Variants in VAV3 observed in about 807,000 individuals in gnomAD.
VAV3 encodes the protein vav guanine nucleotide exchange factor 3.
VAV3 carries 94 observed loss-of-function variants against 131.2 expected under a neutral mutation model. That is an observed-to-expected ratio of 0.72 (90% CI 0.61 to 0.85). The LOEUF (loss-of-function observed/expected upper bound fraction) is 0.85, where lower values mean the gene tolerates loss of function less well. Among genes scored for constraint, VAV3 ranks in the 40% least tolerant of loss-of-function variants. The pLI is 0.00. For missense variants in VAV3, 939 were observed against 1,002.7 expected, an observed-to-expected ratio of 0.94 and a Z score of 0.86; for synonymous variants, 349 against 342.0, an observed-to-expected ratio of 1.02 and a Z score of -0.22.
At chr1:107,727,897 G>T (rs1287717837) in intron 15 of VAV3, among the ~76,000 whole-genome samples, 2 of 152,056 alleles carry the variant, frequency 1.3e-5, no homozygotes, top group African/African-American at 4.8e-5. Flanking sequence ...CATTATAATT[G>T]AATATGGAAT....
Position 107,950,258 on chromosome 1 carries a change from C to G in VAV3, c.204+14408G>C, listed in dbSNP as rs369625482. Among the ~76,000 whole-genome samples, 17 of 152,322 alleles carry G rather than the reference C, an allele frequency of 1.1e-4. No homozygotes were observed. In the East Asian group the frequency reaches 1.3e-3, roughly 12 times the overall value. On this transcript the variant is annotated intron_variant, in intron 1 of 26. Transcript: ENST00000370056. ...AAGACCCAAAACTCTCTCTGGGAAT[C>G]AGAAGGCAAAAATGTGCATATAAAT...
At chr1:107,908,897 C>T (rs1672239922) in intron 1 of VAV3, among the ~76,000 whole-genome samples, 1 of 148,582 alleles carries the variant, frequency 6.7e-6, no homozygotes, top group South Asian at 2.1e-4. Flanking sequence ...ATTCTGGAAG[C>T]ATTCAGTATA....
chr1:107,624,723 T>A (rs138402595), intron 20 of VAV3, among the ~76,000 whole-genome samples: 1 of 152,216 alleles, frequency 6.6e-6, no homozygotes, highest in Admixed American at 6.5e-5. Flanking sequence ...TAAATGCTCA[T>A]GGCAGCATGA....
intron 2 of VAV3, among the ~76,000 whole-genome samples, chr1:107,798,983 T>C (rs1282543185): frequency 1.3e-5 from 2 of 152,228 alleles, no homozygotes; most frequent in Middle Eastern, 3.4e-3. Flanking sequence ...ACCAGCCTTT[T>C]GTTCAAACAA....
intron 2 of VAV3, among the ~76,000 whole-genome samples, chr1:107,825,243 C>T (rs1289981454): frequency 6.6e-6 from 1 of 152,140 alleles, no homozygotes; most frequent in African/African-American, 2.4e-5. Context: ...CTGCCACATA[C>T]AGATAGGTTG....
intron 1 of VAV3, among the ~76,000 whole-genome samples, chr1:107,919,378 A>G (rs1672777031): frequency 6.6e-6 from 1 of 152,210 alleles, no homozygotes; most frequent in Non-Finnish European, 1.5e-5. Context: ...ATTTTAATGA[A>G]ATTTCCATGT....
intron 19 of VAV3, among the ~76,000 whole-genome samples, chr1:107,652,170 C>T (rs971356800): frequency 6.6e-6 from 1 of 152,084 alleles, no homozygotes; most frequent in Non-Finnish European, 1.5e-5. Flanking sequence ...AGTAAAGAAG[C>T]CGGCTAAATC....
chr1:107,780,460 G>A (rs1203436031), intron 2 of VAV3, among the ~76,000 whole-genome samples: 5 of 152,046 alleles, frequency 3.3e-5, no homozygotes, highest in East Asian at 3.9e-4. Flanking sequence ...TGTCTCTTTC[G>A]AAGACTTAGT....
intron 19 of VAV3, among the ~76,000 whole-genome samples, chr1:107,659,785 T>A (rs1410679587): frequency 6.6e-6 from 1 of 152,162 alleles, no homozygotes; most frequent in Non-Finnish European, 1.5e-5. Flanking sequence ...TTTTTATACA[T>A]GAGTTAAAAC....
chr1:107,929,724 C>T (rs1479294282), intron 1 of VAV3, among the ~76,000 whole-genome samples: 1 of 151,986 alleles, frequency 6.6e-6, no homozygotes, highest in Non-Finnish European at 1.5e-5. Context: ...TTTCTTTTTG[C>T]TTGTTTGTTT....
intron 1 of VAV3, among the ~76,000 whole-genome samples, chr1:107,933,897 T>C (rs534942989): frequency 1.3e-5 from 2 of 152,262 alleles, no homozygotes; most frequent in East Asian, 1.9e-4. Flanking sequence ...AAAGCAATGT[T>C]TCCACAGTCA....
intron 2 of VAV3, among the ~76,000 whole-genome samples, chr1:107,832,425 G>T (rs1466458356): frequency 6.6e-6 from 1 of 152,150 alleles, no homozygotes; most frequent in Non-Finnish European, 1.5e-5. Flanking sequence ...TCGTGGACCG[G>T]GTCTTTAACA....
At chr1:107,926,117 T>TA (rs796570874) in intron 1 of VAV3, among the ~76,000 whole-genome samples, 92 of 151,604 alleles carry the variant, frequency 6.1e-4, no homozygotes, top group African/African-American at 2.1e-3. Context: ...CCATCTCTAC[T>TA]AAAAAAATAC....
intron 19 of VAV3, among the ~76,000 whole-genome samples, chr1:107,657,186 C>T (rs931040371): frequency 1.3e-5 from 2 of 152,060 alleles, no homozygotes; most frequent in Non-Finnish European, 2.9e-5. Flanking sequence ...AACTCCTGAC[C>T]TCAAGTGATC....
chr1:107,752,500 TCAA>T (rs1424445436), intron 12 of VAV3, among the ~76,000 whole-genome samples: 1 of 152,152 alleles, frequency 6.6e-6, no homozygotes, highest in Non-Finnish European at 1.5e-5. Context: ...ACAGACAATA[TCAA>T]CAGAGTGAAA....
chr1:107,769,195 C>T (rs1159316893), intron 6 of VAV3, among the ~76,000 whole-genome samples: 4 of 152,176 alleles, frequency 2.6e-5, no homozygotes, highest in African/African-American at 4.8e-5. Flanking sequence ...CCCTCCTAAC[C>T]GAGTTTATAC....
At chr1:107,802,266 A>G (rs1666863305) in intron 2 of VAV3, among the ~76,000 whole-genome samples, 1 of 151,420 alleles carries the variant, frequency 6.6e-6, no homozygotes, top group Admixed American at 6.6e-5. Flanking sequence ...GACTCTTTAG[A>G]TTTTTCTAAA....
intron 2 of VAV3, among the ~76,000 whole-genome samples, chr1:107,839,863 C>T (rs1668619109): frequency 6.6e-6 from 1 of 152,062 alleles, no homozygotes; most frequent in Non-Finnish European, 1.5e-5. Flanking sequence ...ATTCCATGGA[C>T]ACTGAAACGA....
At chr1:107,596,363 A>C in intron 24 of VAV3, 22 bp from the exon 25 acceptor site, 1 of 1,610,144 alleles carries the variant, frequency 6.2e-7, no homozygotes, top group Non-Finnish European at 8.5e-7. Flanking sequence ...AGAATCCAAC[A>C]TATTTTTGAT....
Sources: allele counts gnomAD v4.1 joint callset (sites outside exome capture counted in the v4.1 genomes callset), GRCh38; gene constraint gnomAD v4.1.1; transcripts MANE v1.5; gene names NCBI Gene and HGNC (gene_info 2026-07-23, HGNC 2026-07-21).